Variants in ZGRF1 observed in about 807,000 individuals in gnomAD.
ZGRF1 encodes 5'-3' DNA helicase ZGRF1.
ZGRF1 carries 196 observed loss-of-function variants against 203.5 expected under a neutral mutation model. The observed-to-expected ratio is 0.96, with a 90% confidence interval of 0.86 to 1.08. The LOEUF is 1.08. Ranked by LOEUF, ZGRF1 falls within the 50% of genes least tolerant of loss-of-function variation. The pLI, the probability that ZGRF1 is intolerant of heterozygous loss-of-function variation, is 0.00. For synonymous variants in ZGRF1, 809 were observed against 841.3 expected, an observed-to-expected ratio of 0.96 and a Z score of 0.66; for missense variants, 2,326 against 2,416.3, an observed-to-expected ratio of 0.96 and a Z score of 0.78.
intron 10 of ZGRF1, among the ~76,000 whole-genome samples, chr4:112,590,993 TTCTTGATTGG>T (rs1469630092): frequency 2.0e-5 from 3 of 152,102 alleles, no homozygotes; most frequent in Non-Finnish European, 2.9e-5. Context: ...TTACAACATT[TTCTTGATTGG>T]CTACTGGGTT....
intron 14 of ZGRF1, among the ~76,000 whole-genome samples, chr4:112,585,194 C>T (rs1014108569): frequency 3.1e-4 from 47 of 152,044 alleles, no homozygotes; most frequent in African/African-American, 1.1e-3. Flanking sequence ...GGCTTGAGCC[C>T]GGAAGTTCAA....
intron 4 of ZGRF1, among the ~76,000 whole-genome samples, chr4:112,621,007 G>A (rs2047044379): frequency 6.6e-6 from 1 of 151,952 alleles, no homozygotes. Context: ...ACTCCAACCT[G>A]GATGACAGAG....
intron 10 of ZGRF1, among the ~76,000 whole-genome samples, chr4:112,601,332 T>C (rs1379279650): frequency 6.6e-6 from 1 of 151,908 alleles, no homozygotes; most frequent in African/African-American, 2.4e-5. Context: ...GGCAGATCAC[T>C]TGAGGCTAGG....
rs1737093665 is a variant in ZGRF1 at position 112,539,420 on chromosome 4, G to A, written c.*127C>T. Reference sequence around the variant, plus strand: ...TTTTTGAAGAACAAAATTTTTACATGTGTTTACTATGTTATTTAAATATCA... The same window carrying A: ...TTTTTGAAGAACAAAATTTTTACATATGTTTACTATGTTATTTAAATATCA... On this transcript the variant is annotated 3_prime_UTR_variant, in exon 28 of 28. Transcript: ENST00000505019. 5.7e-6 allele frequency: 3 copies of A among 526,748 alleles called. No individual in the cohort carries two copies. In the South Asian group the frequency reaches 1.8e-4, roughly 31 times the overall value. The allele number at this position is 526,748 out of a possible 1,614,324, so 32.6% of individuals were successfully genotyped here.
rs564397944 is a variant in ZGRF1, at chr4:112,539,495, T to C, written c.*52A>G. 144 of 911,312 alleles carry C rather than the reference T, an allele frequency of 1.6e-4. 3 individuals are homozygous for C. The South Asian group carries it at 2.6e-3, about 16-fold the overall frequency. 56.5% of individuals were successfully genotyped at this position (911,312 alleles called of 1,614,324 possible). A position where few individuals can be genotyped will look rare whatever the true frequency, so the allele number is the denominator to read the frequency against. On this transcript the variant is annotated 3_prime_UTR_variant, in exon 28 of 28. Coordinates refer to ENST00000505019, the MANE Select transcript of ZGRF1 (RefSeq NM_018392.5). ...TAATAAAAATATAAAAAATATATCA[T>C]GTAAAATGAGTCTGAATTTACATAA...
At chr4:112,616,912 G>T (rs1235828674) in intron 6 of ZGRF1, among the ~76,000 whole-genome samples, 2 of 151,516 alleles carry the variant, frequency 1.3e-5, no homozygotes, top group Non-Finnish European at 2.9e-5. Context: ...GGAATTAGAG[G>T]TATCAATATG....
intron 10 of ZGRF1, among the ~76,000 whole-genome samples, chr4:112,601,160 C>T (rs977682285): frequency 1.3e-5 from 2 of 151,522 alleles, no homozygotes; most frequent in Admixed American, 6.6e-5. Context: ...CCTATAATCC[C>T]AACACTTTGG....
At chr4:112,617,225 CTG>C (rs1283692277) in intron 6 of ZGRF1, among the ~76,000 whole-genome samples, 2 of 152,100 alleles carry the variant, frequency 1.3e-5, no homozygotes, top group African/African-American at 4.8e-5. Flanking sequence ...TAGAAGAAAA[CTG>C]TAGCTAATTC....
At position 112,559,073 on chromosome 4, in the gene ZGRF1, G is replaced by A. The variant is rs1578714466; in HGVS notation, c.4961-764C>T. Among the ~76,000 whole-genome samples the A allele has an allele frequency of 2.0e-5, 3 of 152,368 alleles. 1 individual carries two copies. The highest frequency in any genetic ancestry group is 6.5e-5 in the Admixed American group (1 of 15,308). On this transcript the variant is annotated intron_variant, in intron 19 of 27. Transcript: ENST00000505019. ...AACCTCTACCAAATAGGCAAGAGAT[G>A]AGGCTGATAAGGTAGGCACAGGGGT... is the stretch of plus-strand genomic sequence containing the variant.
chr4:112,619,289 G>A lies in ZGRF1; in HGVS notation c.753C>T (p.Ser251=). ...HYSGVSQNIR[S]KAQILALLKS... Reference sequence around the variant, plus strand: ...TCAGAAGAGCTAATATCTGTGCTTTGCTTCTGATGTTTTGTGAAACTCCTG... The same window carrying A: ...TCAGAAGAGCTAATATCTGTGCTTTACTTCTGATGTTTTGTGAAACTCCTG... Residue 251 remains serine (S), a synonymous_variant, in exon 6 of 28, where the codon AGC becomes AGT. Transcript: ENST00000505019. 1 of 1,613,214 alleles carries A rather than the reference G, an allele frequency of 6.2e-7. No homozygotes were observed. The highest frequency in any genetic ancestry group is 1.7e-5 in the Admixed American group (1 of 59,980).
chr4:112,547,108 C>T (rs1163499404), intron 24 of ZGRF1, among the ~76,000 whole-genome samples, 177 bp downstream of exon 24: 1 of 152,130 alleles, frequency 6.6e-6, no homozygotes, highest in African/African-American at 2.4e-5. Context: ...TAAAAGGGCA[C>T]TTAAATTATA....
At position 112,618,290 on chromosome 4, in the gene ZGRF1, A is replaced by T; in HGVS notation, c.1752T>A (p.Ile584=). 1 of 1,613,934 alleles carries T rather than the reference A, an allele frequency of 6.2e-7. No homozygotes were observed. Among genetic ancestry groups the T allele is most frequent in the Non-Finnish European group, 8.5e-7 (1 of 1,179,912 alleles). The change falls in exon 6 of 28, where the codon ATT becomes ATA. Residue 584 remains isoleucine, a synonymous_variant. Transcript: ENST00000505019. ...TTAAGAATGGCAAATGTTCACCCTC[A>T]ATCTCTTCACAGTTTGTATTCTCAG... The part of the protein sequence containing the change: ...KRSENTNCEE[I]EGEHLPFLTS...
intron 2 of ZGRF1, among the ~76,000 whole-genome samples, chr4:112,632,551 T>C (rs1274311426): frequency 6.6e-6 from 1 of 152,244 alleles, no homozygotes. Context: ...GGATTATGTA[T>C]ATGCAATATT....
chr4:112,615,497 TAC>T (rs1229119394), intron 6 of ZGRF1, among the ~76,000 whole-genome samples: 5 of 152,122 alleles, frequency 3.3e-5, no homozygotes, highest in Non-Finnish European at 7.3e-5. Flanking sequence ...GTGCTGGGAT[TAC>T]AGGCATGAGC....
In ZGRF1 at chr4:112,577,334, G is replaced by A. The variant is rs182813909; in HGVS notation, c.4438+4329C>T. On this transcript the variant is annotated intron_variant, in intron 16 of 27. Coordinates refer to ENST00000505019, the MANE Select transcript of ZGRF1 (RefSeq NM_018392.5). Reference sequence around the variant, plus strand: ...AGCCACTGCAAAAACATGCCAAATTGTAAAGCCCGTCGACGCTAGGAAGAA... The same window carrying A: ...AGCCACTGCAAAAACATGCCAAATTATAAAGCCCGTCGACGCTAGGAAGAA... Among the ~76,000 whole-genome samples, 8 of 123,186 alleles carry A rather than the reference G, an allele frequency of 6.5e-5. 4 individuals carry two copies. Among genetic ancestry groups the A allele is most frequent in the Admixed American group, 3.7e-4 (4 of 10,772 alleles). The allele number at this position is 123,186 out of a possible 152,430, so 80.8% of individuals were successfully genotyped here. A position where few individuals can be genotyped will look rare whatever the true frequency, so the allele number is the denominator to read the frequency against.
At chr4:112,587,116 G>A (rs1292194371) in intron 12 of ZGRF1, among the ~76,000 whole-genome samples, 164 bp downstream of exon 12, 1 of 152,244 alleles carries the variant, frequency 6.6e-6, no homozygotes, top group Non-Finnish European at 1.5e-5. Context: ...CTACTATTAC[G>A]AGAGATTTTA....
intron 20 of ZGRF1, among the ~76,000 whole-genome samples, chr4:112,555,933 CG>C (rs1190979365): frequency 6.6e-6 from 1 of 152,042 alleles, no homozygotes; most frequent in East Asian, 1.9e-4. Context: ...TCTAACTTCT[CG>C]TTTTTTTGTT....
At chr4:112,579,498 G>T (rs1417828921) in intron 16 of ZGRF1, among the ~76,000 whole-genome samples, 1 of 122,720 alleles carries the variant, frequency 8.1e-6, no homozygotes, top group Non-Finnish European at 1.8e-5. Flanking sequence ...GTTTGCAGAT[G>T]ACATGATTGT....
At position 112,554,858 on chromosome 4, in the gene ZGRF1, A is replaced by G. The variant is rs1246507252; in HGVS notation, c.5121-76T>C. The G allele has an allele frequency of 5.5e-6, 4 of 729,740 alleles. No homozygotes were observed. In the African/African-American group the frequency reaches 7.2e-5, roughly 13 times the overall value. 45.2% of individuals were successfully genotyped at this position (729,740 alleles called of 1,614,324 possible). ...AAAGTTTCATATAATAACTGTTACT[A>G]CAACTAATTTTGTGTAACAGTATAT... On this transcript the variant is annotated intron_variant, in intron 20 of 27. Transcript: ENST00000505019.
Sources: gnomAD v4.1 joint callset for allele counts (sites outside exome capture counted in the v4.1 genomes callset) on GRCh38, gnomAD v4.1.1 for gene constraint, MANE v1.5 for transcripts, NCBI Gene and HGNC (gene_info 2026-07-23, HGNC 2026-07-21) for gene names.